The following NEDD4L variants were observed in gnomAD, a reference collection of about 807,000 sequenced individuals.
NEDD4L encodes NEDD4 like E3 ubiquitin protein ligase.
In NEDD4L, 54 loss-of-function variants were observed where a neutral mutation model predicts 148.9. That is an observed-to-expected ratio of 0.36 (90% confidence interval 0.29 to 0.45). NEDD4L has a LOEUF of 0.45. Ranked by LOEUF, NEDD4L falls within the 20% of genes least tolerant of loss-of-function variation. NEDD4L has a pLI of 1.00. For missense variants in NEDD4L, 856 were observed against 1,233.8 expected (o/e 0.69, Z 4.59); for synonymous variants, 433 against 440.7 (o/e 0.98, Z 0.22).
intron 5 of NEDD4L, among the ~76,000 whole-genome samples, chr18:58,283,264 C>G (rs556542509): frequency 2.3e-4 from 35 of 152,132 alleles, no homozygotes; most frequent in African/African-American, 8.2e-4. Context: ...TTAGTAGAGA[C>G]GGGGTTTCAC....
At chr18:58,356,335 T>C (rs1420384383) in intron 18 of NEDD4L, among the ~76,000 whole-genome samples, 1 of 151,614 alleles carries the variant, frequency 6.6e-6, no homozygotes, top group Non-Finnish European at 1.5e-5. Context: ...CCAAAAACTC[T>C]GGAGAACCTA....
chr18:58,095,885 C>A lies in NEDD4L; in HGVS notation c.48+51177C>A, dbSNP rs11665115. On this transcript the variant is annotated intron_variant, in intron 1 of 30. Transcript: ENST00000400345. ...CCTTGAATGTGACCCAACACAAATTCGTAAGCATTCTTAAAACATTATGAG... is the reference window on the plus strand; with the variant it reads ...CCTTGAATGTGACCCAACACAAATTAGTAAGCATTCTTAAAACATTATGAG... Among the ~76,000 whole-genome samples the A allele has an allele frequency of 2.0e-5, 3 of 152,124 alleles. No homozygotes were observed. In the East Asian group the frequency reaches 5.8e-4, roughly 29 times the overall value.
At chr18:58,248,215 C>T (rs921736853) in intron 3 of NEDD4L, among the ~76,000 whole-genome samples, 1 of 152,306 alleles carries the variant, frequency 6.6e-6, no homozygotes, top group East Asian at 1.9e-4. Flanking sequence ...TGGGGGATAT[C>T]TGGCAGTCCT....
chr18:58,108,789 G>A (rs1263993372), intron 1 of NEDD4L, among the ~76,000 whole-genome samples: 1 of 152,192 alleles, frequency 6.6e-6, no homozygotes, highest in Non-Finnish European at 1.5e-5. Context: ...GGCTATCTGG[G>A]TTTAAATCCT....
At chr18:58,297,981 A>G (rs1032392028) in intron 5 of NEDD4L, among the ~76,000 whole-genome samples, 3 of 152,030 alleles carry the variant, frequency 2.0e-5, no homozygotes, top group Non-Finnish European at 4.4e-5. Flanking sequence ...TCTATTCTTC[A>G]GTGGCTTTTT....
intron 5 of NEDD4L, among the ~76,000 whole-genome samples, chr18:58,288,166 CA>C (rs753204695): frequency 2.6e-5 from 4 of 152,126 alleles, no homozygotes; most frequent in Non-Finnish European, 5.9e-5. Flanking sequence ...CTTCTTATGT[CA>C]AGGTGTAAAC....
intron 20 of NEDD4L, among the ~76,000 whole-genome samples, chr18:58,364,535 G>A (rs370332698): frequency 6.6e-6 from 1 of 152,164 alleles, no homozygotes; most frequent in Non-Finnish European, 1.5e-5. Flanking sequence ...TTAACTCAGT[G>A]TTACATATCA....
chr18:58,265,221 A>C (rs764194996), intron 5 of NEDD4L, among the ~76,000 whole-genome samples: 1 of 152,102 alleles, frequency 6.6e-6, no homozygotes, highest in Admixed American at 6.5e-5. Flanking sequence ...TGTGGTGGTC[A>C]TATTGGCTCC....
chr18:58,335,576 C>T (rs755521741), intron 13 of NEDD4L, 39 bp downstream of exon 13: 68 of 1,494,840 alleles, frequency 4.5e-5, no homozygotes, highest in Non-Finnish European at 6.0e-5. Context: ...AGCAAGAGGC[C>T]GTGAGGCAGT....
At chr18:58,227,431 G>C (rs1436348719) in intron 2 of NEDD4L, among the ~76,000 whole-genome samples, 1 of 152,156 alleles carries the variant, frequency 6.6e-6, no homozygotes, top group Non-Finnish European at 1.5e-5. Context: ...GGTTTCTTCT[G>C]AGCTGTCAGT....
At chr18:58,220,400 C>CAA (rs36046684) in intron 2 of NEDD4L, among the ~76,000 whole-genome samples, 3,856 of 147,196 alleles carry the variant, frequency 0.026, 138 homozygotes, top group African/African-American at 0.08. Flanking sequence ...GACCCTATCT[C>CAA]AAAAAAAAAA....
chr18:58,347,781 T>TG (rs995929164), intron 16 of NEDD4L, among the ~76,000 whole-genome samples: 1 of 152,228 alleles, frequency 6.6e-6, no homozygotes, highest in Admixed American at 6.5e-5. Flanking sequence ...TTTTGATTCT[T>TG]GCCAGTTCCC....
intron 1 of NEDD4L, among the ~76,000 whole-genome samples, chr18:58,077,833 G>A (rs889401263): frequency 9.2e-5 from 14 of 152,064 alleles, no homozygotes; most frequent in Admixed American, 6.6e-5. Context: ...TCTCAACCAG[G>A]GGCAGTTTTG....
intron 5 of NEDD4L, among the ~76,000 whole-genome samples, chr18:58,276,678 TATAATA>T (rs200793115): frequency 1.4e-5 from 2 of 141,088 alleles, no homozygotes; most frequent in Non-Finnish European, 3.0e-5. Context: ...TGTGGTCAGC[TATAATA>T]ATAATAATAA....
chr18:58,205,030 T>A (rs2041837358), intron 2 of NEDD4L, among the ~76,000 whole-genome samples: 1 of 152,216 alleles, frequency 6.6e-6, no homozygotes. Context: ...CCATATGGGA[T>A]GTTTGGGTTG....
chr18:58,094,900 T>TAAA (rs1555689599), intron 1 of NEDD4L, among the ~76,000 whole-genome samples: 2 of 129,512 alleles, frequency 1.5e-5, no homozygotes, highest in Non-Finnish European at 1.7e-5. Context: ...AAAGAGCACT[T>TAAA]AAAAAAAAAA....
intron 1 of NEDD4L, among the ~76,000 whole-genome samples, chr18:58,072,254 T>C (rs889567704): frequency 1.3e-5 from 2 of 152,162 alleles, no homozygotes; most frequent in Non-Finnish European, 2.9e-5. Flanking sequence ...GATACCAAAC[T>C]AAAGACATCA....
At chr18:58,131,577 T>C (rs1375778534) in intron 1 of NEDD4L, among the ~76,000 whole-genome samples, 1 of 150,528 alleles carries the variant, frequency 6.6e-6, no homozygotes, top group Non-Finnish European at 1.5e-5. Context: ...TTGGATTTGG[T>C]TGGTTGTGAT....
At chr18:58,351,228 A>G (rs775423159) in intron 18 of NEDD4L, 183 bp downstream of exon 18, 3 of 968,534 alleles carry the variant, frequency 3.1e-6, no homozygotes, top group Non-Finnish European at 3.7e-6. Flanking sequence ...AAGTTTGCTT[A>G]AAGTAGCCCA....
Sources: gnomAD v4.1 joint callset for allele counts (sites outside exome capture counted in the v4.1 genomes callset) on GRCh38, gnomAD v4.1.1 for gene constraint, MANE v1.5 for transcripts, NCBI Gene and HGNC (gene_info 2026-07-23, HGNC 2026-07-21) for gene names.